SLC38A4: variants seen among roughly 807,000 people sequenced by gnomAD.
The protein encoded by SLC38A4 is sodium-coupled neutral amino acid transporter 4.
Under a neutral mutation model 63.1 loss-of-function variants are expected in SLC38A4, and 20 were observed. That is an observed-to-expected ratio of 0.32 (90% confidence interval 0.22 to 0.46). SLC38A4 has a LOEUF of 0.46. Among genes scored for constraint, SLC38A4 ranks in the 20% least tolerant of loss-of-function variants. The pLI, the probability that SLC38A4 is intolerant of heterozygous loss-of-function variation, is 1.00. For synonymous variants in SLC38A4, 230 were observed against 225.5 expected (o/e 1.02, Z -0.18); for missense variants, 526 against 663.6 (o/e 0.79, Z 2.28).
At chr12:46,776,267 T>C (rs1264278707) in intron 13 of SLC38A4, among the ~76,000 whole-genome samples, 2 of 152,038 alleles carry the variant, frequency 1.3e-5, no homozygotes, top group Non-Finnish European at 2.9e-5. Flanking sequence ...ACAATCCTAC[T>C]CCCTTTGTGA....
At chr12:46,780,822 A>T (rs908143185) in intron 7 of SLC38A4, among the ~76,000 whole-genome samples, 13 of 151,996 alleles carry the variant, frequency 8.6e-5, no homozygotes, top group African/African-American at 2.7e-4. Flanking sequence ...GTAAATATTT[A>T]TGCATCACGC....
At chr12:46,774,181 C>T (rs1938477522) in intron 14 of SLC38A4, among the ~76,000 whole-genome samples, 1 of 152,054 alleles carries the variant, frequency 6.6e-6, no homozygotes, top group Admixed American at 6.6e-5. Context: ...TATATTTCAG[C>T]ACACAAGCTG....
rs759142473 is a variant in SLC38A4, at chr12:46,766,646, T to C, written c.*55A>G. 5.3e-5 allele frequency: 60 copies of C among 1,126,270 alleles called. No individual in the cohort carries two copies. The Middle Eastern group carries it at 5.9e-4, about 11-fold the overall frequency. The allele number at this position is 1,126,270 out of a possible 1,614,324, so 69.8% of individuals were successfully genotyped here. On this transcript the variant is annotated 3_prime_UTR_variant, in exon 17 of 17. Coordinates refer to ENST00000266579, the MANE Select transcript of SLC38A4 (RefSeq NM_018018.5). Reference sequence around the variant, plus strand: ...CCAATCAAGATAATTCAAATATCTTTTGGAGTATAACTTGTAACCATTTCC... The same window carrying C: ...CCAATCAAGATAATTCAAATATCTTCTGGAGTATAACTTGTAACCATTTCC...
intron 14 of SLC38A4, among the ~76,000 whole-genome samples, chr12:46,770,608 G>A (rs1007571400): frequency 2.6e-5 from 4 of 152,096 alleles, no homozygotes; most frequent in African/African-American, 4.8e-5. Context: ...TGCAGCAGCT[G>A]CTCAAGTTAC....
intron 10 of SLC38A4, among the ~76,000 whole-genome samples, 153 bp downstream of exon 10, chr12:46,779,456 CTT>C (rs1039275560): frequency 6.6e-6 from 1 of 151,860 alleles, no homozygotes; most frequent in Non-Finnish European, 1.5e-5. Flanking sequence ...CGTAGCTGCT[CTT>C]TTTTTGCTCT....
At chr12:46,830,298 T>TCACACACACACACA (rs10597523), upstream of SLC38A4, among the ~76,000 whole-genome samples, 49 of 148,412 alleles carry the variant, frequency 3.3e-4, no homozygotes, top group South Asian at 1.1e-3. Context: ...TCTCTCTCTC[T>TCACACACACACACA]CACACACACA....
At chr12:46,831,143 C>G (rs1223512416) in intron 1 of SLC38A4, among the ~76,000 whole-genome samples, 2 of 152,188 alleles carry the variant, frequency 1.3e-5, no homozygotes, top group Admixed American at 1.3e-4. Context: ...CGTTTTCCCC[C>G]ACAACCGGCA....
At chr12:46,827,285 T>C (rs1939671522), upstream of SLC38A4, among the ~76,000 whole-genome samples, 1 of 152,230 alleles carries the variant, frequency 6.6e-6, no homozygotes, top group African/African-American at 2.4e-5. Context: ...ACATTTCGTA[T>C]GGACATTTGC....
intron 14 of SLC38A4, among the ~76,000 whole-genome samples, chr12:46,774,403 A>C (rs572397226): frequency 2.0e-5 from 3 of 152,168 alleles, no homozygotes; most frequent in African/African-American, 7.2e-5. Context: ...ACACAGCCCA[A>C]ATCTTCACTA....
Position 46,778,273 on chromosome 12 carries a change from A to G in SLC38A4, c.1073+16T>C, listed in dbSNP as rs1388138442. 1 of 1,610,776 alleles carries G rather than the reference A, an allele frequency of 6.2e-7. No individual in the cohort carries two copies. Among genetic ancestry groups the G allele is most frequent in the African/African-American group, 1.3e-5 (1 of 74,742 alleles). ...TTTCAAAGCAAATTAGAATGCTAAA[A>G]TGATGGCTGCCTTACTCTTTAAGTT... On this transcript the variant is annotated intron_variant, in intron 12 of 16. Coordinates refer to ENST00000266579, the MANE Select transcript of SLC38A4 (RefSeq NM_018018.5).
intron 3 of SLC38A4, among the ~76,000 whole-genome samples, chr12:46,788,916 T>C (rs1438168855): frequency 2.0e-5 from 3 of 152,184 alleles, no homozygotes; most frequent in Non-Finnish European, 4.4e-5. Context: ...AGACTACAAC[T>C]AATTGTGTTC....
At chr12:46,826,372 G>C (rs559862560), upstream of SLC38A4, among the ~76,000 whole-genome samples, 1 of 152,110 alleles carries the variant, frequency 6.6e-6, no homozygotes, top group South Asian at 2.1e-4. Flanking sequence ...AAGGCTGTTA[G>C]GGCCCCAAAT....
intron 3 of SLC38A4, among the ~76,000 whole-genome samples, chr12:46,792,389 G>A (rs899869185): frequency 6.6e-6 from 1 of 152,226 alleles, no homozygotes; most frequent in South Asian, 2.1e-4. Flanking sequence ...GATTACTAGA[G>A]GAGGAGCAGG....
chr12:46,797,930 A>G (rs1179059055), intron 2 of SLC38A4, among the ~76,000 whole-genome samples: 1 of 152,190 alleles, frequency 6.6e-6, no homozygotes, highest in Non-Finnish European at 1.5e-5. Flanking sequence ...GCCTTCTATT[A>G]TAAATTTTTC....
rs1368818953 is a variant in SLC38A4, at chr12:46,780,712, T to C, written c.494-682A>G. 2.6e-5 allele frequency among the ~76,000 whole-genome samples: 4 copies of C among 151,978 alleles called. No homozygotes were observed. In the East Asian group the frequency reaches 5.8e-4, roughly 22 times the overall value. On this transcript the variant is annotated intron_variant, in intron 7 of 16. Transcript: ENST00000266579. ...TAGGTAAGTGATACATGAATGATTA[T>C]CTACTCTTGTGAAAGATTTCTTGAT...
At chr12:46,786,078 T>C (rs1239993416) in intron 5 of SLC38A4, among the ~76,000 whole-genome samples, 6 of 152,082 alleles carry the variant, frequency 3.9e-5, no homozygotes, top group Admixed American at 2.6e-4. Context: ...CCTGTAGCTA[T>C]GTTGCACTCT....
At chr12:46,787,877 G>T in intron 5 of SLC38A4, 39 bp downstream of exon 5, 1 of 1,460,730 alleles carries the variant, frequency 6.8e-7, no homozygotes, top group Non-Finnish European at 9.6e-7. Flanking sequence ...AGGTATGCAT[G>T]GACTTCATCA....
chr12:46,806,867 C>G (rs1939243354), intron 1 of SLC38A4, among the ~76,000 whole-genome samples: 1 of 151,782 alleles, frequency 6.6e-6, no homozygotes, highest in South Asian at 2.1e-4. Context: ...TCAGATTATA[C>G]CTGTACATTG....
intron 6 of SLC38A4, among the ~76,000 whole-genome samples, 160 bp downstream of exon 6, chr12:46,784,944 T>C (rs1255138255): frequency 1.3e-5 from 2 of 152,118 alleles, no homozygotes; most frequent in Non-Finnish European, 2.9e-5. Flanking sequence ...GCCTCTCACT[T>C]GCCCAAACAA....
Sources: gnomAD v4.1 joint callset for allele counts (sites outside exome capture counted in the v4.1 genomes callset) on GRCh38, gnomAD v4.1.1 for gene constraint, MANE v1.5 for transcripts, NCBI Gene and HGNC (gene_info 2026-07-23, HGNC 2026-07-21) for gene names.